Variants in RIMBP2 observed in about 807,000 individuals in gnomAD.
RIMBP2 encodes RIMS-binding protein 2.
A neutral mutation model predicts 118.6 loss-of-function variants in RIMBP2; 48 were observed. That is an observed-to-expected ratio of 0.40 (90% confidence interval 0.32 to 0.51). RIMBP2 has a LOEUF of 0.51. Ranked by LOEUF, RIMBP2 falls within the 20% of genes least tolerant of loss-of-function variation. The probability of loss-of-function intolerance (pLI) is 0.41; values close to 1 mark genes in which losing one functional copy is unlikely to be tolerated. For synonymous variants in RIMBP2, 762 were observed against 742.9 expected (o/e 1.03, Z -0.42); for missense variants, 1,551 against 1,768.3 (o/e 0.88, Z 2.20).
At chr12:130,569,753 G>C (rs541782642) in intron 2 of RIMBP2, among the ~76,000 whole-genome samples, 1 of 152,098 alleles carries the variant, frequency 6.6e-6, no homozygotes, top group Non-Finnish European at 1.5e-5. Context: ...ATGACTGAGC[G>C]TTTCCTGAGG....
chr12:130,574,531 C>G (rs896487291), intron 2 of RIMBP2, among the ~76,000 whole-genome samples: 5 of 152,182 alleles, frequency 3.3e-5, no homozygotes, highest in African/African-American at 1.2e-4. Flanking sequence ...TAAAAGCTCC[C>G]AGTGTGTGTG....
intron 1 of RIMBP2, among the ~76,000 whole-genome samples, chr12:130,677,982 C>T (rs911177734): frequency 3.9e-5 from 6 of 152,264 alleles, no homozygotes; most frequent in Non-Finnish European, 8.8e-5. Context: ...CTGCACCCAC[C>T]GTGCTCAGCA....
intron 1 of RIMBP2, among the ~76,000 whole-genome samples, chr12:130,631,273 T>C (rs765585976): frequency 5.3e-5 from 8 of 152,230 alleles, no homozygotes; most frequent in Non-Finnish European, 1.2e-4. Context: ...CCACAGTCAC[T>C]AATTGGTGCT....
In RIMBP2 at chr12:130,622,500, T is replaced by C. The variant is rs1016717003; in HGVS notation, c.-217+5822A>G. Among the ~76,000 whole-genome samples the C allele has an allele frequency of 2.0e-5, 3 of 151,964 alleles. No homozygotes were observed. The highest frequency in any genetic ancestry group is 7.2e-5 in the African/African-American group (3 of 41,400). On this transcript the variant is annotated intron_variant, in intron 2 of 22. Transcript: ENST00000690449. The surrounding 1 kb of genome is among the most constrained non-coding windows in gnomAD (Gnocchi z 8.5). The stretch of plus-strand genomic sequence containing the variant: ...TTTTCATATATTTATATATAATATA[T>C]ATTTGATAATAGAGATGGAGTCTCA...
At chr12:130,654,933 T>TG (rs571303954) in intron 1 of RIMBP2, among the ~76,000 whole-genome samples, 3 of 152,210 alleles carry the variant, frequency 2.0e-5, no homozygotes, top group South Asian at 4.1e-4. Flanking sequence ...ATGAACTAAC[T>TG]GAGCAAGAAC....
intron 2 of RIMBP2, among the ~76,000 whole-genome samples, chr12:130,627,099 C>T (rs1223030197): frequency 6.6e-6 from 1 of 152,106 alleles, no homozygotes; most frequent in African/African-American, 2.4e-5. Flanking sequence ...TCTCCTCCAT[C>T]ACTACAACTA....
intron 4 of RIMBP2, among the ~76,000 whole-genome samples, chr12:130,492,593 C>A (rs1233694287): frequency 6.6e-6 from 1 of 152,186 alleles, no homozygotes; most frequent in African/African-American, 2.4e-5. Context: ...ATTTTTCTCA[C>A]ACACAGTTTC....
In RIMBP2 at chr12:130,685,936, C is replaced by T. The variant is rs1005598115; in HGVS notation, c.-352+30286G>A. Among the ~76,000 whole-genome samples the T allele has an allele frequency of 6.6e-5, 10 of 152,296 alleles. No homozygotes were observed. In the East Asian group the frequency reaches 1.9e-3, roughly 29 times the overall value. On this transcript the variant is annotated intron_variant, in intron 1 of 22. Transcript: ENST00000690449. ...CTCCTTCCCCTAGGTCCGCCCAGGCCCGCCCCCAAAGCATGAGCCCCAGAA... is the reference window on the plus strand; with the variant it reads ...CTCCTTCCCCTAGGTCCGCCCAGGCTCGCCCCCAAAGCATGAGCCCCAGAA...
At chr12:130,609,083 T>C (rs1419009469) in intron 2 of RIMBP2, among the ~76,000 whole-genome samples, 3 of 152,156 alleles carry the variant, frequency 2.0e-5, no homozygotes, top group African/African-American at 7.2e-5. Flanking sequence ...GGTTCATCCA[T>C]GTTGTCAGAA....
chr12:130,708,790 G>T (rs952727074), intron 1 of RIMBP2, among the ~76,000 whole-genome samples: 5 of 152,194 alleles, frequency 3.3e-5, no homozygotes, highest in African/African-American at 1.2e-4. Flanking sequence ...CTGGACACAG[G>T]CGTGTTTCAG....
intron 4 of RIMBP2, among the ~76,000 whole-genome samples, chr12:130,487,429 C>T (rs1391639299): frequency 6.6e-6 from 1 of 152,160 alleles, no homozygotes; most frequent in Admixed American, 6.5e-5. Context: ...CCTGGCTCCT[C>T]CTCCCTGTCT....
rs535771492 is a variant in RIMBP2, at chr12:130,710,322, C to T, written c.-352+5900G>A. On this transcript the variant is annotated intron_variant, in intron 1 of 22. Transcript: ENST00000690449. This position sits in a 1 kb window ranked among gnomAD's most constrained non-coding sequence, Gnocchi z 4.3. ...ACCCTCCCAGATCATCCAGGTGCGG[C>T]CCCTGACATCAGCCATTGGAACCCT... Among the ~76,000 whole-genome samples the T allele has an allele frequency of 6.6e-6, 1 of 152,254 alleles. No homozygotes were observed. Among genetic ancestry groups the T allele is most frequent in the South Asian group, 2.1e-4 (1 of 4,820 alleles).
intron 2 of RIMBP2, among the ~76,000 whole-genome samples, chr12:130,531,704 T>C (rs2053392994): frequency 2.0e-5 from 3 of 152,248 alleles, no homozygotes; most frequent in African/African-American, 7.2e-5. Flanking sequence ...CAGTGGTGCC[T>C]GCAGAGGTAT....
At chr12:130,401,566 C>G (rs1172274943) in intron 21 of RIMBP2, among the ~76,000 whole-genome samples, 1 of 151,754 alleles carries the variant, frequency 6.6e-6, no homozygotes, top group Non-Finnish European at 1.5e-5. Context: ...CCTTGAAGGT[C>G]CTACTCTTAT....
intron 3 of RIMBP2, among the ~76,000 whole-genome samples, chr12:130,514,624 C>T (rs181894844): frequency 6.6e-6 from 1 of 152,308 alleles, no homozygotes; most frequent in African/African-American, 2.4e-5. Flanking sequence ...CAGGATCCGA[C>T]CTCCCTGTGC....
chr12:130,516,513 C>T (rs1344786337), intron 3 of RIMBP2, among the ~76,000 whole-genome samples: 1 of 152,160 alleles, frequency 6.6e-6, no homozygotes, highest in East Asian at 1.9e-4. Context: ...AACATGAAAA[C>T]AGGTGTTGTC....
At position 130,648,958 on chromosome 12, in the gene RIMBP2, G is replaced by A. The variant is rs181806730; in HGVS notation, c.-351-20502C>T. 2.2e-3 allele frequency among the ~76,000 whole-genome samples: 320 copies of A among 145,846 alleles called. 20 individuals are homozygous for A. The highest frequency in any genetic ancestry group is 7.1e-3 in the African/African-American group (289 of 40,872). ...GGCGTGAGCCGCCGAGAAACGGATC[G>A]CACATGGTAATTTTTGCAGCACCAC... On this transcript the variant is annotated intron_variant, in intron 1 of 22. Transcript: ENST00000690449.
At chr12:130,550,239 T>C (rs2055618530) in intron 2 of RIMBP2, among the ~76,000 whole-genome samples, 1 of 152,204 alleles carries the variant, frequency 6.6e-6, no homozygotes, top group South Asian at 2.1e-4. Flanking sequence ...TCATGTAGGT[T>C]CCATTTCTCT....
chr12:130,495,384 G>A (rs544737534), intron 4 of RIMBP2, among the ~76,000 whole-genome samples: 1 of 152,290 alleles, frequency 6.6e-6, no homozygotes, highest in Admixed American at 6.5e-5. Flanking sequence ...TTTCCCCAGG[G>A]ATGTTGCTTG....
Sources: gnomAD v4.1 joint callset for allele counts (sites outside exome capture counted in the v4.1 genomes callset) on GRCh38, gnomAD v4.1.1 for gene constraint, Gnocchi (gnomAD v3.1) non-coding constraint, MANE v1.5 for transcripts, NCBI Gene and HGNC (gene_info 2026-07-23, HGNC 2026-07-21) for gene names.